DNAH6: variants seen among roughly 807,000 people sequenced by gnomAD.
DNAH6 encodes the protein axonemal beta dynein heavy chain 6.
Under a neutral mutation model 491.4 loss-of-function variants are expected in DNAH6, and 340 were observed. The observed-to-expected ratio is 0.69, with a 90% confidence interval of 0.63 to 0.76. The LOEUF (loss-of-function observed/expected upper bound fraction) is 0.76, where lower values mean the gene tolerates loss of function less well. DNAH6 is among the 30% of genes least tolerant of loss of function. DNAH6 has a pLI of 0.00. For synonymous variants in DNAH6, 1,603 were observed against 1,686.1 expected, an observed-to-expected ratio of 0.95 and a Z score of 1.21; for missense variants, 4,443 against 4,972.2, an observed-to-expected ratio of 0.89 and a Z score of 3.20.
chr2:84,677,274 A>C, intron 41 of DNAH6, 138 bp downstream of exon 41: 1 of 1,134,036 alleles, frequency 8.8e-7, no homozygotes, highest in East Asian at 2.6e-5. Context: ...GCAGGTAAAT[A>C]TGGACTCCTG....
chr2:84,571,895 G>A (rs754556146), intron 11 of DNAH6, among the ~76,000 whole-genome samples: 56 of 151,964 alleles, frequency 3.7e-4, no homozygotes, highest in Non-Finnish European at 5.7e-4. Context: ...TCCAGCCTGG[G>A]TGACAGAGAG....
At chr2:84,622,873 A>T (rs1328181820) in intron 26 of DNAH6, among the ~76,000 whole-genome samples, 1 of 152,074 alleles carries the variant, frequency 6.6e-6, no homozygotes, top group East Asian at 1.9e-4. Flanking sequence ...AGTCACCCTA[A>T]CAGTTATGAG....
intron 64 of DNAH6, among the ~76,000 whole-genome samples, chr2:84,771,755 T>G (rs1675643293): frequency 6.6e-6 from 1 of 152,056 alleles, no homozygotes. Context: ...GAAGAAAAAT[T>G]TAAGATATTC....
At position 84,784,731 on chromosome 2, in the gene DNAH6, T is replaced by C; in HGVS notation, c.10874T>C (p.Ile3625Thr). Residue 3625 changes from isoleucine (I) to threonine (T), a missense_variant, in exon 66 of 77, where the codon ATC (isoleucine) becomes ACC (threonine). This residue lies in a region of DNAH6 where 1,463 missense variants were observed against 1,656.6 expected (regional missense o/e 0.88). Transcript: ENST00000389394. ...TCTTTGTTTTAAGCAGATAGTGCTATCAAGGACACTTTTCGACTTTTTTTA... is the reference window on the plus strand; with the variant it reads ...TCTTTGTTTTAAGCAGATAGTGCTACCAAGGACACTTTTCGACTTTTTTTA... ...IKTFTDPDSA[I>T]KDTFRLFLSS... 1 of 1,548,536 alleles carries C rather than the reference T, an allele frequency of 6.5e-7. No homozygotes were observed. Among genetic ancestry groups the C allele is most frequent in the South Asian group, 1.2e-5 (1 of 83,990 alleles).
chr2:84,611,650 A>T (rs1686346841), intron 21 of DNAH6, 24 bp from the exon 22 acceptor site: 1 of 1,533,110 alleles, frequency 6.5e-7, no homozygotes, highest in African/African-American at 1.4e-5. Context: ...TTAAAATTTG[A>T]CAGTGTCCAT....
At chr2:84,480,247 GAA>G in the DNAH6 span, among the ~76,000 whole-genome samples, 11 of 152,120 alleles carry the variant, frequency 7.2e-5, no homozygotes, top group Non-Finnish European at 1.5e-4. Flanking sequence ...TTTTATAAAA[GAA>G]AGAATAATCA....
intron 67 of DNAH6, among the ~76,000 whole-genome samples, chr2:84,786,883 G>T (rs1218613602): frequency 6.6e-6 from 1 of 152,116 alleles, no homozygotes; most frequent in Non-Finnish European, 1.5e-5. Flanking sequence ...ATGAGAAAAT[G>T]CTTTATTTTA....
chr2:84,689,576 C>T (rs1390004318), intron 45 of DNAH6, among the ~76,000 whole-genome samples: 1 of 152,162 alleles, frequency 6.6e-6, no homozygotes, highest in Non-Finnish European at 1.5e-5. Context: ...CAGAGCCAGG[C>T]AGAAGCCAAA....
intron 16 of DNAH6, 38 bp from the exon 17 acceptor site, chr2:84,593,934 A>G: frequency 1.6e-6 from 2 of 1,277,356 alleles, no homozygotes; most frequent in Non-Finnish European, 2.2e-6. Context: ...TTATATCTGA[A>G]AACTAAATTA....
intron 64 of DNAH6, among the ~76,000 whole-genome samples, chr2:84,772,434 A>G (rs1675716245): frequency 1.3e-5 from 2 of 151,856 alleles, no homozygotes; most frequent in South Asian, 4.2e-4. Context: ...CACACACACA[A>G]TTCAGTTACA....
At chr2:84,695,555 G>C (rs79227113) in intron 46 of DNAH6, among the ~76,000 whole-genome samples, 1 of 152,060 alleles carries the variant, frequency 6.6e-6, no homozygotes, top group African/African-American at 2.4e-5. Context: ...TAATCTGAGA[G>C]AGTATTAATG....
chr2:84,626,853 G>A (rs11889591), intron 29 of DNAH6, among the ~76,000 whole-genome samples: 20,982 of 152,090 alleles, frequency 0.14, 2,233 homozygotes, highest in African/African-American at 0.3. Context: ...TGATCCACCC[G>A]CTTTGGCCTC....
chr2:84,484,337 G>C, the DNAH6 span, among the ~76,000 whole-genome samples: 1 of 152,142 alleles, frequency 6.6e-6, no homozygotes, highest in Non-Finnish European at 1.5e-5. Flanking sequence ...AATTGTAGCT[G>C]TACTCAATTA....
intron 29 of DNAH6, among the ~76,000 whole-genome samples, chr2:84,632,994 A>G (rs1688543009): frequency 6.6e-6 from 1 of 152,208 alleles, no homozygotes; most frequent in East Asian, 1.9e-4. Context: ...TAGTGTAAAC[A>G]GCTTGTTTCC....
chr2:84,658,255 T>G, intron 35 of DNAH6, 37 bp from the exon 36 acceptor site: 1 of 1,348,796 alleles, frequency 7.4e-7, no homozygotes, highest in Non-Finnish European at 9.9e-7. Flanking sequence ...TATATATTTA[T>G]CAGGTCTTGC....
chr2:84,727,674 C>T lies in DNAH6; in HGVS notation c.9978C>T (p.Phe3326=), dbSNP rs1207996186. The change falls in exon 61 of 77, where the codon TTC becomes TTT. Residue 3326 remains phenylalanine (F), a synonymous_variant. Transcript: ENST00000389394. ...QYSLKYFKQL[F]NTTIETSVKT... is the part of the protein sequence containing the mutation. ...TAGAGCTCTCTTTCACACAGTTGTT[C>T]AATACCACCATTGAAACTTCTGTAA... 1 of 1,540,790 alleles carries T rather than the reference C, an allele frequency of 6.5e-7. No individual in the cohort carries two copies. The highest frequency in any genetic ancestry group is 2.4e-5 in the East Asian group (1 of 40,830).
chr2:84,518,135 ACT>A lies in DNAH6; in HGVS notation c.225+87_225+88del, dbSNP rs879112772. 23 of 967,802 alleles carry A rather than the reference ACT, an allele frequency of 2.4e-5. No individual in the cohort carries two copies. In the South Asian group the frequency reaches 3.8e-4, roughly 16 times the overall value. The allele number at this position is 967,802 out of a possible 1,614,324, so 60.0% of individuals were successfully genotyped here. A position where few individuals can be genotyped will look rare whatever the true frequency, so the allele number is the denominator to read the frequency against. On this transcript the variant is annotated intron_variant, in intron 2 of 76. Transcript: ENST00000389394. ...TTTGGAGGATAGAAGTCATGTCCAG[ACT>A]CTGAACTGACAAAGAAGGAATGAAA...
chr2:84,597,887 A>G (rs918741405), intron 18 of DNAH6, among the ~76,000 whole-genome samples: 1 of 152,142 alleles, frequency 6.6e-6, no homozygotes. Context: ...TTGGGAGGCC[A>G]AGGTGGGAGG....
chr2:84,621,233 G>A lies in DNAH6; in HGVS notation c.3835G>A (p.Glu1279Lys). 4 of 1,551,584 alleles carry A rather than the reference G, an allele frequency of 2.6e-6. No individual in the cohort carries two copies. The highest frequency in any genetic ancestry group is 3.5e-6 in the Non-Finnish European group (4 of 1,146,886). ...KGLKARGNVE[E>K]WLGKVEEAMF... ...CCTCAAGGCCCGAGGCAATGTAGAG[G>A]AATGGCTTGGTAAAGTGGAAGAAGC... Residue 1279 changes from glutamate to lysine, a missense_variant, in exon 25 of 77, where the codon GAA (glutamate) becomes AAA (lysine). Physicochemically the swap from Glu to Lys is moderately conservative, Grantham distance 56. This residue lies in a region of DNAH6 where 2,977 missense variants were observed against 3,296.6 expected (regional missense o/e 0.90). Transcript: ENST00000389394.
Sources: gnomAD v4.1 joint callset for allele counts (sites outside exome capture counted in the v4.1 genomes callset) on GRCh38, gnomAD v4.1.1 for gene constraint, gnomAD v4.1.1 regional missense constraint, MANE v1.5 for transcripts, NCBI Gene and HGNC (gene_info 2026-07-23, HGNC 2026-07-21) for gene names.